UNC13C: variants seen among roughly 807,000 people sequenced by gnomAD.
UNC13C encodes unc-13 homolog C.
In UNC13C, 174 loss-of-function variants were observed where a neutral mutation model predicts 245.4. The observed-to-expected ratio is 0.71, with a 90% CI of 0.63 to 0.80. UNC13C has a LOEUF of 0.80. Among genes scored for constraint, UNC13C ranks in the 30% least tolerant of loss-of-function variants. The pLI is 0.00. For synonymous variants in UNC13C, 992 were observed against 895.1 expected (o/e 1.11, Z -1.93); for missense variants, 2,829 against 2,602.9 (o/e 1.09, Z -1.89).
At chr15:54,467,222 C>G (rs540557273) in intron 19 of UNC13C, among the ~76,000 whole-genome samples, 1 of 151,630 alleles carries the variant, frequency 6.6e-6, no homozygotes, top group Non-Finnish European at 1.5e-5. Context: ...TTAAATAACT[C>G]AAGAAGAATT....
At chr15:54,384,394 A>G (rs1440115236) in intron 17 of UNC13C, among the ~76,000 whole-genome samples, 1 of 152,162 alleles carries the variant, frequency 6.6e-6, no homozygotes, top group Non-Finnish European at 1.5e-5. Context: ...AGATTCCAGG[A>G]ACATACACTG....
chr15:54,568,096 C>T (rs1368038917), intron 30 of UNC13C, 149 bp downstream of exon 30: 12 of 474,920 alleles, frequency 2.5e-5, no homozygotes, highest in Non-Finnish European at 4.1e-5. Context: ...ATAGAGAATA[C>T]CAATTTTTTT....
chr15:54,072,270 C>T (rs1041729818), intron 2 of UNC13C, among the ~76,000 whole-genome samples: 5 of 152,108 alleles, frequency 3.3e-5, no homozygotes, highest in Non-Finnish European at 5.9e-5. Context: ...AGATGCCAAA[C>T]GCCCAGCCTA....
chr15:53,911,718 C>T, the UNC13C span: 1 of 152,212 alleles, frequency 6.6e-6, no homozygotes, highest in South Asian at 2.1e-4. Flanking sequence ...AGAGAGACCC[C>T]AGAAACTGTG....
At chr15:54,411,473 T>G (rs1596339026) in intron 18 of UNC13C, among the ~76,000 whole-genome samples, 1 of 152,320 alleles carries the variant, frequency 6.6e-6, no homozygotes, top group South Asian at 2.1e-4. Context: ...TAGTTTTAGG[T>G]TTGGCATTTT....
chr15:54,449,384 C>T (rs1020849988), intron 19 of UNC13C, among the ~76,000 whole-genome samples: 3 of 152,216 alleles, frequency 2.0e-5, no homozygotes, highest in African/African-American at 7.2e-5. Context: ...CAACTTGGTT[C>T]CATTCTCTCT....
chr15:54,525,597 A>AGTGG lies in UNC13C; in HGVS notation c.5508_5511dup (p.Val1838TrpfsTer5). ...TCTAAAAGAACTTCAGGTTAAGCTC[A>AGTGG]GTGGGGTCCTGGATGAGCTCAGCGT... is the stretch of plus-strand genomic sequence containing the variant. On this transcript the variant is annotated frameshift_variant, in exon 25 of 33. Transcript: ENST00000260323. LOFTEE classifies it high-confidence loss of function. 1 of 1,613,160 alleles carries AGTGG rather than the reference A, an allele frequency of 6.2e-7. No homozygotes were observed. Among genetic ancestry groups the AGTGG allele is most frequent in the African/African-American group, 1.3e-5 (1 of 75,028 alleles).
chr15:54,416,055 A>G (rs2040513720), intron 19 of UNC13C, among the ~76,000 whole-genome samples: 1 of 152,196 alleles, frequency 6.6e-6, no homozygotes, highest in Admixed American at 6.5e-5. Context: ...GGGCCCAATG[A>G]TCAAGAAAGA....
At chr15:53,888,732 T>A in the UNC13C span, among the ~76,000 whole-genome samples, 3 of 152,190 alleles carry the variant, frequency 2.0e-5, no homozygotes, top group Non-Finnish European at 2.9e-5. Context: ...TTGTATAAGG[T>A]GTAAGGAAGG....
chr15:54,415,653 C>A (rs2040503087), intron 19 of UNC13C, among the ~76,000 whole-genome samples: 1 of 152,104 alleles, frequency 6.6e-6, no homozygotes, highest in South Asian at 2.1e-4. Flanking sequence ...AAACTAACAA[C>A]CTAGTAGAAA....
At chr15:54,364,803 G>C (rs1317485561) in intron 17 of UNC13C, among the ~76,000 whole-genome samples, 1 of 152,152 alleles carries the variant, frequency 6.6e-6, no homozygotes, top group East Asian at 1.9e-4. Context: ...CACTTAGCTA[G>C]TGATTGATTC....
chr15:54,138,764 T>A (rs2031860445), intron 2 of UNC13C, among the ~76,000 whole-genome samples: 1 of 151,690 alleles, frequency 6.6e-6, no homozygotes, highest in Non-Finnish European at 1.5e-5. Flanking sequence ...GTAGCCGAAA[T>A]TTATTCTGAG....
At chr15:53,981,724 AG>A (rs1253091475) in intron 1 of UNC13C, among the ~76,000 whole-genome samples, 3 of 152,146 alleles carry the variant, frequency 2.0e-5, no homozygotes, top group Non-Finnish European at 4.4e-5. Context: ...TGGATGCCAC[AG>A]CAGTATTTGT....
chr15:54,538,351 C>A (rs1332794392), intron 26 of UNC13C, among the ~76,000 whole-genome samples: 1 of 151,624 alleles, frequency 6.6e-6, no homozygotes, highest in Non-Finnish European at 1.5e-5. Context: ...AATAACAGAT[C>A]CTGATGAGGT....
At chr15:54,393,315 A>G (rs1293019891) in intron 18 of UNC13C, 134 bp downstream of exon 18, 4 of 795,424 alleles carry the variant, frequency 5.0e-6, no homozygotes, top group African/African-American at 1.8e-5. Context: ...GTATTTTTCA[A>G]CTTTTATCAG....
chr15:54,588,826 T>G (rs148903356), intron 30 of UNC13C, among the ~76,000 whole-genome samples: 2,137 of 152,304 alleles, frequency 0.014, 49 homozygotes, highest in African/African-American at 0.048. Context: ...TCATTCCTTT[T>G]TATGGCTCAG....
At chr15:54,515,471 A>C (rs972289231) in intron 24 of UNC13C, among the ~76,000 whole-genome samples, 1 of 152,208 alleles carries the variant, frequency 6.6e-6, no homozygotes, top group Non-Finnish European at 1.5e-5. Flanking sequence ...TTGTAACAAA[A>C]ACACATTGCT....
At position 54,393,194 on chromosome 15, in the gene UNC13C, T is replaced by G. The variant is rs760004218; in HGVS notation, c.4847+13T>G. 2 of 1,530,852 alleles carry G rather than the reference T, an allele frequency of 1.3e-6. No homozygotes were observed. The highest frequency in any genetic ancestry group is 2.8e-5 in the African/African-American group (2 of 71,406). 94.8% of individuals were successfully genotyped at this position (1,530,852 alleles called of 1,614,324 possible). On this transcript the variant is annotated intron_variant, in intron 18 of 32. Transcript: ENST00000260323. ...CTGTCCTGAATCAGTAAGTACAATG[T>G]TTTGGAAATGAATGGATTTTATTCC...
chr15:54,185,202 T>C (rs2033936543), intron 4 of UNC13C, among the ~76,000 whole-genome samples: 1 of 152,048 alleles, frequency 6.6e-6, no homozygotes, highest in African/African-American at 2.4e-5. Flanking sequence ...GCAAAAATTT[T>C]TCTCCCATTC....
Sources: allele counts gnomAD v4.1 joint callset (sites outside exome capture counted in the v4.1 genomes callset), GRCh38; gene constraint gnomAD v4.1.1; transcripts MANE v1.5; gene names NCBI Gene and HGNC (gene_info 2026-07-23, HGNC 2026-07-21).